The following ZFHX3 variants were observed in gnomAD, a reference collection of about 807,000 sequenced individuals.
The protein encoded by ZFHX3 is zinc finger homeobox 3.
ZFHX3 carries 42 observed loss-of-function variants against 279.1 expected under a neutral mutation model. That is an observed-to-expected ratio of 0.15 (90% CI 0.12 to 0.19). The LOEUF (loss-of-function observed/expected upper bound fraction) is 0.19. Ranked by LOEUF, ZFHX3 falls within the 10% of genes least tolerant of loss-of-function variation. The probability of loss-of-function intolerance (pLI) is 1.00; values close to 1 mark genes in which losing one functional copy is unlikely to be tolerated. For synonymous variants in ZFHX3, 2,293 were observed against 1,957.8 expected (o/e 1.17, Z -4.52); for missense variants, 4,981 against 4,754.0 (o/e 1.05, Z -1.40).
At chr16:73,047,533 G>A (rs1465881388) in intron 1 of ZFHX3, among the ~76,000 whole-genome samples, 1 of 152,114 alleles carries the variant, frequency 6.6e-6, no homozygotes, top group Admixed American at 6.5e-5. Context: ...GAGGACAGAG[G>A]GAAGGGAAGG....
intron 1 of ZFHX3, among the ~76,000 whole-genome samples, chr16:73,769,249 C>T (rs140361220): frequency 2.2e-4 from 33 of 152,270 alleles, no homozygotes; most frequent in Non-Finnish European, 4.6e-4. Context: ...GTACTTTCTA[C>T]TGTCACATAT....
intron 5 of ZFHX3, among the ~76,000 whole-genome samples, chr16:73,245,692 A>G (rs1258340321): frequency 1.3e-5 from 2 of 152,154 alleles, no homozygotes; most frequent in Admixed American, 6.5e-5. Context: ...GCTGGCCCCT[A>G]CCTGGGCCCT....
intron 1 of ZFHX3, among the ~76,000 whole-genome samples, chr16:73,714,939 T>C (rs2053399800): frequency 6.6e-6 from 1 of 152,210 alleles, no homozygotes; most frequent in Non-Finnish European, 1.5e-5. Flanking sequence ...TGCTAGAGTC[T>C]CATCTCCTCG....
intron 2 of ZFHX3, among the ~76,000 whole-genome samples, chr16:73,492,979 A>T (rs765558898): frequency 6.6e-6 from 1 of 152,228 alleles, no homozygotes; most frequent in Non-Finnish European, 1.5e-5. Context: ...ATAAAGTATT[A>T]TATACATTTT....
rs201757720 is a variant in ZFHX3, at chr16:72,958,681, C to T, written c.1465G>A (p.Glu489Lys). 30 of 1,613,794 alleles carry T rather than the reference C, an allele frequency of 1.9e-5. No homozygotes were observed. Among genetic ancestry groups the T allele is most frequent in the African/African-American group, 8.0e-5 (6 of 74,896 alleles). ...CTTGGAAAGAGTCCTTTGCAACCCT[C>T]GTCTTCCTCCTCCTCTTCTTCCTCC... ...EEEEEEEEED[E>K]GCKGLFPSEL... is the part of the protein sequence containing the mutation. The change falls in exon 2 of 10, where the codon GAG (glutamate) becomes AAG (lysine). Residue 489 changes from glutamate (E) to lysine (K), a missense_variant. Coordinates refer to ENST00000268489, the MANE Select transcript of ZFHX3 (RefSeq NM_006885.4).
At chr16:72,828,888 A>C (rs2036995973) in intron 5 of ZFHX3, among the ~76,000 whole-genome samples, 1 of 151,708 alleles carries the variant, frequency 6.6e-6, no homozygotes, top group Non-Finnish European at 1.5e-5. Context: ...ACAGTGTCTC[A>C]CCACGTTGCC....
intron 5 of ZFHX3, among the ~76,000 whole-genome samples, chr16:73,158,261 C>T (rs35918165): frequency 0.13 from 20,130 of 152,100 alleles, 1,769 homozygotes; most frequent in Middle Eastern, 0.25. Flanking sequence ...GAAATCTAAC[C>T]CAGCCAGGAG....
At chr16:73,690,947 A>C (rs1597068349) in intron 1 of ZFHX3, among the ~76,000 whole-genome samples, 1 of 152,340 alleles carries the variant, frequency 6.6e-6, no homozygotes, top group East Asian at 1.9e-4. Context: ...TATGGTTTGG[A>C]GTAGTTTGTT....
At chr16:73,657,267 C>G (rs1395872288) in intron 2 of ZFHX3, among the ~76,000 whole-genome samples, 3 of 151,386 alleles carry the variant, frequency 2.0e-5, no homozygotes, top group Admixed American at 2.0e-4. Flanking sequence ...GACCAGCCTG[C>G]CCAACACGGC....
At chr16:73,588,702 C>CG (rs2051953711) in intron 2 of ZFHX3, among the ~76,000 whole-genome samples, 4 of 56,384 alleles carry the variant, frequency 7.1e-5, no homozygotes, top group Non-Finnish European at 1.2e-4. Flanking sequence ...AAACAAAAAA[C>CG]AAAACAAAAA....
intron 5 of ZFHX3, among the ~76,000 whole-genome samples, chr16:72,816,566 G>A (rs906410356): frequency 1.3e-5 from 2 of 152,176 alleles, no homozygotes. Flanking sequence ...CTGCTTGTTA[G>A]TGTTATGGTG....
chr16:73,000,595 C>T (rs927115206), intron 1 of ZFHX3, among the ~76,000 whole-genome samples: 3 of 152,228 alleles, frequency 2.0e-5, no homozygotes, highest in South Asian at 4.2e-4. Flanking sequence ...TGTCTCGACC[C>T]GTGGGCTCCC....
At chr16:73,493,620 G>GGGTCCA (rs1157627108) in intron 2 of ZFHX3, among the ~76,000 whole-genome samples, 1 of 152,170 alleles carries the variant, frequency 6.6e-6, no homozygotes, top group African/African-American at 2.4e-5. Flanking sequence ...CATGGTGCTT[G>GGGTCCA]GGTCCAGCCA....
chr16:73,392,194 T>G (rs1026401164), intron 3 of ZFHX3, among the ~76,000 whole-genome samples: 9 of 151,436 alleles, frequency 5.9e-5, no homozygotes, highest in Admixed American at 1.3e-4. Context: ...CTGAGGTGGG[T>G]GGTTCACTTG....
chr16:73,334,704 G>A (rs934315932), intron 3 of ZFHX3, among the ~76,000 whole-genome samples: 1 of 151,446 alleles, frequency 6.6e-6, no homozygotes, highest in Non-Finnish European at 1.5e-5. Flanking sequence ...GCAAGTGGAA[G>A]CGTTTCAGAG....
intron 1 of ZFHX3, among the ~76,000 whole-genome samples, chr16:73,765,290 G>A (rs1020787448): frequency 6.6e-6 from 1 of 152,150 alleles, no homozygotes; most frequent in Non-Finnish European, 1.5e-5. Flanking sequence ...TTTTTGCAGT[G>A]CTAATCTGTC....
At chr16:72,811,473 T>C (rs2036444329) in intron 7 of ZFHX3, 104 bp downstream of exon 7, 2 of 1,239,968 alleles carry the variant, frequency 1.6e-6, no homozygotes, top group South Asian at 1.6e-5. Flanking sequence ...CGTTTCCAAC[T>C]CTACACTGAC....
chr16:72,957,816 ACCG>A lies in ZFHX3; in HGVS notation c.2327_2329del (p.Ala776del), dbSNP rs761186383. 9 of 1,597,678 alleles carry A rather than the reference ACCG, an allele frequency of 5.6e-6. No individual in the cohort carries two copies. The highest frequency in any genetic ancestry group is 6.8e-6 in the Non-Finnish European group (8 of 1,170,894). ...ATTGGCTGCCGCCGCCGCCGCAGCC[ACCG>A]CCGCCGCCGCCGCCCCGGCAGTGTG... On this transcript the variant is annotated inframe_deletion, in exon 2 of 10. Coordinates refer to ENST00000268489, the MANE Select transcript of ZFHX3 (RefSeq NM_006885.4).
At chr16:73,573,370 T>C (rs999267274) in intron 2 of ZFHX3, among the ~76,000 whole-genome samples, 5 of 152,294 alleles carry the variant, frequency 3.3e-5, no homozygotes, top group East Asian at 1.9e-4. Context: ...TCCTGCGCTG[T>C]TCTGGGTTAG....
Sources: allele counts gnomAD v4.1 joint callset (sites outside exome capture counted in the v4.1 genomes callset), GRCh38; gene constraint gnomAD v4.1.1; transcripts MANE v1.5; gene names NCBI Gene and HGNC (gene_info 2026-07-23, HGNC 2026-07-21).